ERAP1: variants seen among roughly 807,000 people sequenced by gnomAD.
The protein encoded by ERAP1 is adipocyte-derived leucine aminopeptidase.
ERAP1 carries 86 observed loss-of-function variants against 103.7 expected under a neutral mutation model. That is an observed-to-expected ratio of 0.83 (90% CI 0.70 to 0.99). The LOEUF is 0.99. Ranked by LOEUF, ERAP1 falls within the 50% of genes least tolerant of loss-of-function variation. The pLI, the probability that ERAP1 is intolerant of heterozygous loss-of-function variation, is 0.00. For missense variants in ERAP1, 1,009 were observed against 1,128.4 expected (o/e 0.89, Z 1.52); for synonymous variants, 398 against 402.4 (o/e 0.99, Z 0.13).
At chr5:96,851,299 T>C in the ERAP1 span, among the ~76,000 whole-genome samples, 6 of 152,186 alleles carry the variant, frequency 3.9e-5, no homozygotes, top group Non-Finnish European at 8.8e-5. Flanking sequence ...GTGAACTTGG[T>C]TTCCTTAATC....
intron 1 of ERAP1, among the ~76,000 whole-genome samples, chr5:96,806,988 T>C (rs573990): frequency 5.9e-5 from 9 of 151,530 alleles, no homozygotes; most frequent in Admixed American, 1.3e-4. Flanking sequence ...TTTGTTTTGT[T>C]GTTTTGTTAA....
At chr5:96,850,205 C>T in the ERAP1 span, among the ~76,000 whole-genome samples, 1 of 152,128 alleles carries the variant, frequency 6.6e-6, no homozygotes, top group Admixed American at 6.5e-5. Flanking sequence ...TTGCACCTGA[C>T]TCCAAAGGCA....
intron 3 of ERAP1, among the ~76,000 whole-genome samples, chr5:96,799,393 G>T (rs990962007): frequency 3.9e-5 from 6 of 152,034 alleles, no homozygotes; most frequent in Non-Finnish European, 4.4e-5. Flanking sequence ...ATTTCTGTTA[G>T]TGAGAGGTAT....
the ERAP1 span, among the ~76,000 whole-genome samples, chr5:96,854,997 A>AT: frequency 5.1e-4 from 78 of 152,296 alleles, no homozygotes; most frequent in South Asian, 0.014. Context: ...AATAAGTCAC[A>AT]TTTTACACAA....
chr5:96,915,301 G>A, the ERAP1 span, among the ~76,000 whole-genome samples: 24 of 152,220 alleles, frequency 1.6e-4, no homozygotes, highest in Admixed American at 1.2e-3. Flanking sequence ...GAGCCACCGC[G>A]CCCAGCCCAT....
intron 18 of ERAP1, chr5:96,779,623 A>G (rs1288939165): frequency 6.5e-6 from 1 of 153,156 alleles, no homozygotes; most frequent in African/African-American, 2.4e-5. Context: ...CTTTTATCTA[A>G]ATGTACCACA....
At chr5:96,887,094 TATATATACACACAC>T in the ERAP1 span, among the ~76,000 whole-genome samples, 2 of 115,562 alleles carry the variant, frequency 1.7e-5, no homozygotes, top group Non-Finnish European at 3.5e-5. Context: ...TATATATATA[TATATATACACACAC>T]ACACACACAC....
the ERAP1 span, among the ~76,000 whole-genome samples, chr5:96,835,652 G>A: frequency 6.6e-6 from 1 of 152,104 alleles, no homozygotes; most frequent in Non-Finnish European, 1.5e-5. Context: ...TTTTCCTTCT[G>A]TATAACCATG....
the ERAP1 span, chr5:96,909,780 T>C: frequency 2.5e-6 from 4 of 1,609,668 alleles, no homozygotes; most frequent in South Asian, 2.2e-5. Flanking sequence ...TGTAGACTTC[T>C]GTCCTACCCT....
the ERAP1 span, chr5:96,873,349 G>A: frequency 2.2e-6 from 1 of 456,274 alleles, no homozygotes; most frequent in Non-Finnish European, 4.4e-6. Context: ...TGGAATCCTG[G>A]TGCGTGGTCC....
At chr5:96,933,355 CCGGAATAG>C in the ERAP1 span, among the ~76,000 whole-genome samples, 1 of 151,768 alleles carries the variant, frequency 6.6e-6, no homozygotes, top group Non-Finnish European at 1.5e-5. Flanking sequence ...GCCTCACCCT[CCGGAATAG>C]CTGGGATTAC....
chr5:96,801,392 A>G (rs1777974209), intron 2 of ERAP1, among the ~76,000 whole-genome samples: 1 of 151,698 alleles, frequency 6.6e-6, no homozygotes, highest in Admixed American at 6.6e-5. Context: ...CAGGAGGCAG[A>G]GGTTTCAGTG....
chr5:96,763,147 T>C lies in ERAP1; in HGVS notation c.*53A>G, dbSNP rs144554622. On this transcript the variant is annotated 3_prime_UTR_variant, in exon 20 of 20. Transcript: ENST00000296754. ...AAGTCAGCTATGCTTCCATTCCGTT[T>C]GATGTAGCATCAAAGCATATTTAGT... 6.3e-5 allele frequency: 49 copies of C among 780,456 alleles called. No homozygotes were observed. In the African/African-American group the frequency reaches 7.9e-4, roughly 13 times the overall value. 48.3% of individuals were successfully genotyped at this position (780,456 alleles called of 1,614,324 possible).
the ERAP1 span, chr5:96,892,187 A>G: frequency 3.6e-6 from 4 of 1,112,746 alleles, no homozygotes; most frequent in Non-Finnish European, 5.2e-6. Context: ...TGATGTTTTC[A>G]AAAAGTCTGC....
the ERAP1 span, among the ~76,000 whole-genome samples, chr5:96,917,267 C>T: frequency 4.1e-4 from 63 of 152,138 alleles, no homozygotes; most frequent in African/African-American, 1.4e-3. Flanking sequence ...CCATCATGTC[C>T]GACTAATTTT....
the ERAP1 span, among the ~76,000 whole-genome samples, chr5:96,854,352 G>T: frequency 2.0e-5 from 3 of 151,892 alleles, no homozygotes; most frequent in South Asian, 6.2e-4. Context: ...TACTTGAACT[G>T]GTCTGCAGTC....
the ERAP1 span, among the ~76,000 whole-genome samples, chr5:96,820,037 C>T: frequency 6.6e-6 from 1 of 152,156 alleles, no homozygotes. Flanking sequence ...GAATCCACAT[C>T]CCAACCCAAT....
At chr5:96,846,824 C>T in the ERAP1 span, among the ~76,000 whole-genome samples, 316 of 151,936 alleles carry the variant, frequency 2.1e-3, 5 homozygotes, top group African/African-American at 7.2e-3. Context: ...CTGAAGAGTG[C>T]TGCTGATGAT....
At chr5:96,880,235 T>A in the ERAP1 span, 4 of 1,612,652 alleles carry the variant, frequency 2.5e-6, no homozygotes, top group Non-Finnish European at 3.4e-6. Context: ...TAAAAGCACA[T>A]ACAGAACTCT....
Sources: allele counts gnomAD v4.1 joint callset (sites outside exome capture counted in the v4.1 genomes callset), GRCh38; gene constraint gnomAD v4.1.1; transcripts MANE v1.5; gene names NCBI Gene and HGNC (gene_info 2026-07-23, HGNC 2026-07-21).